The following LYSMD3 variants were observed in gnomAD, a reference collection of about 807,000 sequenced individuals.
LYSMD3 encodes LysM domain containing 3.
A neutral mutation model predicts 26.1 loss-of-function variants in LYSMD3; 13 were observed. That is an observed-to-expected ratio of 0.50 (90% CI 0.32 to 0.79). The LOEUF is 0.79. Ranked by LOEUF, LYSMD3 falls within the 30% of genes least tolerant of loss-of-function variation. The probability of loss-of-function intolerance (pLI) is 0.03; values close to 1 mark genes in which losing one functional copy is unlikely to be tolerated. For synonymous variants in LYSMD3, 109 were observed against 119.4 expected, an observed-to-expected ratio of 0.91 and a Z score of 0.57; for missense variants, 331 against 362.5, an observed-to-expected ratio of 0.91 and a Z score of 0.71.
chr5:90,525,036 G>T lies in LYSMD3; in HGVS notation c.254C>A (p.Thr85Lys), dbSNP rs763199395. 1.3e-6 allele frequency: 2 copies of T among 1,585,802 alleles called. No homozygotes were observed. Among genetic ancestry groups the T allele is most frequent in the African/African-American group, 2.7e-5 (2 of 73,930 alleles). The change falls in exon 2 of 3, where the codon ACG (threonine) becomes AAG (lysine). Residue 85 changes from threonine (T) to lysine (K), a missense_variant and splice_region_variant. Thr to Lys is a moderately conservative substitution (Grantham distance 78, BLOSUM62 -1). This residue lies in a region of LYSMD3 where 262 missense variants were observed against 267.3 expected (regional missense o/e 0.98). Coordinates refer to ENST00000315948, the MANE Select transcript of LYSMD3 (RefSeq NM_198273.2). ...LNAIALQYCC[T>K]VADIKRVNNL... ...GCATTATGTAATATTAAAACTTACCGTACAACAGTACTGAAGGGCTATTGC... is the reference window on the plus strand; with the variant it reads ...GCATTATGTAATATTAAAACTTACCTTACAACAGTACTGAAGGGCTATTGC...
Position 90,518,744 on chromosome 5 carries a change from CTAT to C in LYSMD3, c.*72_*74del. ...ATCTCTCTAAATTCTGCCTTTGAAG[CTAT>C]TATTGGATATAACTGATTCACCACA... On this transcript the variant is annotated 3_prime_UTR_variant, in exon 3 of 3. Coordinates refer to ENST00000315948, the MANE Select transcript of LYSMD3 (RefSeq NM_198273.2). 1 of 1,355,226 alleles carries C rather than the reference CTAT, an allele frequency of 7.4e-7. No homozygotes were observed. Among genetic ancestry groups the C allele is most frequent in the Non-Finnish European group, 1.0e-6 (1 of 987,652 alleles). The allele number at this position is 1,355,226 out of a possible 1,614,324, so 84.0% of individuals were successfully genotyped here.
Position 90,518,750 on chromosome 5 carries a change from T to C in LYSMD3, c.*69A>G, listed in dbSNP as rs1232861643. On this transcript the variant is annotated 3_prime_UTR_variant, in exon 3 of 3. Transcript: ENST00000315948. ...CTAAATTCTGCCTTTGAAGCTATTA[T>C]TGGATATAACTGATTCACCACATTC... 7 of 1,386,360 alleles carry C rather than the reference T, an allele frequency of 5.0e-6. No individual in the cohort carries two copies. The highest frequency in any genetic ancestry group is 6.9e-6 in the Non-Finnish European group (7 of 1,013,466). 85.9% of individuals were successfully genotyped at this position (1,386,360 alleles called of 1,614,324 possible). A position where few individuals can be genotyped will look rare whatever the true frequency, so the allele number is the denominator to read the frequency against.
chr5:90,525,219 A>G lies in LYSMD3; in HGVS notation c.71T>C (p.Phe24Ser). ...GVQSSGQVHA[F>S]GNCSDSDILE... ...AATATCACTGTCTGAACAATTTCCA[A>G]ATGCATGTACTTGACCACTTGACTG... is the stretch of plus-strand genomic sequence containing the variant. The change falls in exon 2 of 3, where the codon TTT becomes TCT. Residue 24 changes from phenylalanine to serine, a missense_variant. Phe to Ser is a radical substitution (Grantham distance 155). Coordinates refer to ENST00000315948, the MANE Select transcript of LYSMD3 (RefSeq NM_198273.2). 5 of 1,614,016 alleles carry G rather than the reference A, an allele frequency of 3.1e-6. No homozygotes were observed. Among genetic ancestry groups the G allele is most frequent in the Non-Finnish European group, 3.4e-6 (4 of 1,179,980 alleles).
chr5:90,529,496 C>T lies in LYSMD3; in HGVS notation c.-60G>A. On this transcript the variant is annotated 5_prime_UTR_variant, in exon 1 of 3. Transcript: ENST00000315948. ...TCTGCGAGAAGATGGCCAAAAGGTC[C>T]GCCGCCGCCGCTGTCCCGGGTAAGT... 1 of 456,622 alleles carries T rather than the reference C, an allele frequency of 2.2e-6. No individual in the cohort carries two copies. 28.3% of individuals were successfully genotyped at this position (456,622 alleles called of 1,614,324 possible).
Position 90,519,045 on chromosome 5 carries a change from GTTA to G in LYSMD3, c.692_694del (p.Ile231del), listed in dbSNP as rs541339902. ...ATAATACAACAAATAAAACACTGGT[GTTA>G]TTATACCTACTATCAACATTATCAC... is the stretch of plus-strand genomic sequence containing the variant. On this transcript the variant is annotated inframe_deletion, in exon 3 of 3. Transcript: ENST00000315948. 8.5e-5 allele frequency: 137 copies of G among 1,613,884 alleles called. No individual in the cohort carries two copies. The highest frequency in any genetic ancestry group is 1.1e-4 in the Non-Finnish European group (133 of 1,179,942).
Position 90,525,304 on chromosome 5 carries a change from G to C in LYSMD3, c.-11-4C>G. On this transcript the variant is annotated splice_polypyrimidine_tract_variant and splice_region_variant and intron_variant, in intron 1 of 2. Coordinates refer to ENST00000315948, the MANE Select transcript of LYSMD3 (RefSeq NM_198273.2). ...CTCCCTGCCATAATGTTAAAATCTG[G>C]AGGAAAAAAAAAGCAGAGAAAATTT... 6.4e-7 allele frequency: 1 copy of C among 1,565,508 alleles called. No homozygotes were observed. Among genetic ancestry groups the C allele is most frequent in the Non-Finnish European group, 8.6e-7 (1 of 1,160,170 alleles).
At chr5:90,520,604 T>C (rs768805780) in intron 2 of LYSMD3, 1 of 419,648 alleles carries the variant, frequency 2.4e-6, no homozygotes, top group Non-Finnish European at 4.8e-6. Flanking sequence ...GAGACACAGA[T>C]TTATGGACTA....
chr5:90,519,603 A>T, intron 2 of LYSMD3, 119 bp from the exon 3 acceptor site: 2 of 939,194 alleles, frequency 2.1e-6, no homozygotes, highest in Non-Finnish European at 3.1e-6. Flanking sequence ...AGTAGTATTA[A>T]GTTGCACCCA....
chr5:90,520,908 G>C (rs1172539108), intron 2 of LYSMD3, among the ~76,000 whole-genome samples: 2 of 150,550 alleles, frequency 1.3e-5, no homozygotes, highest in African/African-American at 2.4e-5. Context: ...AACAGAGCGA[G>C]ACTCCATCTC....
chr5:90,522,356 C>G (rs1010829349), intron 2 of LYSMD3, among the ~76,000 whole-genome samples: 1 of 152,142 alleles, frequency 6.6e-6, no homozygotes, highest in Non-Finnish European at 1.5e-5. Context: ...TATAAACTAC[C>G]CAGTCTCAGG....
At chr5:90,524,389 G>C (rs1753165574) in intron 2 of LYSMD3, among the ~76,000 whole-genome samples, 1 of 152,154 alleles carries the variant, frequency 6.6e-6, no homozygotes, top group Non-Finnish European at 1.5e-5. Flanking sequence ...ACATGCCAAA[G>C]TGTTAATGCT....
At position 90,517,402 on chromosome 5, in the gene LYSMD3, A is replaced by G. The variant is rs1752976309; in HGVS notation, c.*1417T>C. On this transcript the variant is annotated 3_prime_UTR_variant, in exon 3 of 3. Transcript: ENST00000315948. ...TGAGGTGGTATTATATATCTTAAGT[A>G]TATATTATATACAAAACAGGCAATC... 6.6e-6 allele frequency: 1 copy of G among 152,100 alleles called. No individual in the cohort carries two copies. The highest frequency in any genetic ancestry group is 1.9e-4 in the East Asian group (1 of 5,202). The allele number at this position is 152,100 out of a possible 1,614,324, so 9.4% of individuals were successfully genotyped here. A position where few individuals can be genotyped will look rare whatever the true frequency, so the allele number is the denominator to read the frequency against.
intron 2 of LYSMD3, among the ~76,000 whole-genome samples, chr5:90,521,615 CCA>C (rs1180590227): frequency 1.3e-5 from 2 of 151,890 alleles, no homozygotes; most frequent in Non-Finnish European, 2.9e-5. Flanking sequence ...CTGAAAAATC[CCA>C]GTCTGACCCC....
At chr5:90,525,342 G>A in intron 1 of LYSMD3, 42 bp from the exon 2 acceptor site, 1 of 1,530,866 alleles carries the variant, frequency 6.5e-7, no homozygotes, top group African/African-American at 1.4e-5. Context: ...GAATGTAGCT[G>A]ATCCAACTGA....
chr5:90,525,347 A>C lies in LYSMD3; in HGVS notation c.-11-47T>G, dbSNP rs10044543. The stretch of plus-strand genomic sequence containing the variant: ...GAAAATTTTGGAATGTAGCTGATCC[A>C]ACTGACTGATTTGCATGCATCGTAC... On this transcript the variant is annotated intron_variant, in intron 1 of 2. Transcript: ENST00000315948. The C allele has an allele frequency of 2.9e-3, 4,348 of 1,519,922 alleles. 112 individuals are homozygous for C. The African/African-American group carries it at 0.053, about 18-fold the overall frequency. The allele number at this position is 1,519,922 out of a possible 1,614,324, so 94.2% of individuals were successfully genotyped here.
chr5:90,524,467 G>C (rs563611883), intron 2 of LYSMD3, among the ~76,000 whole-genome samples: 62 of 152,278 alleles, frequency 4.1e-4, no homozygotes, highest in African/African-American at 1.4e-3. Flanking sequence ...CTTACCATTT[G>C]AATAAGAAGA....
chr5:90,529,570 G>A lies in LYSMD3; in HGVS notation c.-134C>T. ...GCTGACCCCGTCCGCCTCCGCCTCT[G>A]CCGCCAACGTCTCCGCCTTCCGGGC... On this transcript the variant is annotated 5_prime_UTR_variant, in exon 1 of 3. Coordinates refer to ENST00000315948, the MANE Select transcript of LYSMD3 (RefSeq NM_198273.2). The A allele has an allele frequency of 2.2e-6, 1 of 456,192 alleles. No individual in the cohort carries two copies. The highest frequency in any genetic ancestry group is 1.5e-5 in the South Asian group (1 of 64,550). The allele number at this position is 456,192 out of a possible 1,614,324, so 28.3% of individuals were successfully genotyped here.
In LYSMD3 at chr5:90,517,956, T is replaced by C. The variant is rs1389959219; in HGVS notation, c.*863A>G. ...AGGCATTAAATGTAATTAAGGCATG[T>C]TACTGTATGTAACAGCAATGATTTA... On this transcript the variant is annotated 3_prime_UTR_variant, in exon 3 of 3. Coordinates refer to ENST00000315948, the MANE Select transcript of LYSMD3 (RefSeq NM_198273.2). 2 of 152,570 alleles carry C rather than the reference T, an allele frequency of 1.3e-5. No individual in the cohort carries two copies. The highest frequency in any genetic ancestry group is 1.3e-4 in the Admixed American group (2 of 15,272). 9.5% of individuals were successfully genotyped at this position (152,570 alleles called of 1,614,324 possible).
rs370409381 is a variant in LYSMD3, at chr5:90,525,443, TTTTTG to T, written c.-11-148_-11-144del. On this transcript the variant is annotated intron_variant, in intron 1 of 2. Coordinates refer to ENST00000315948, the MANE Select transcript of LYSMD3 (RefSeq NM_198273.2). ...TTAAACATTTAGGTTTAAGTTCGTT[TTTTTG>T]TTTTGTTTTGTTTTGTTTTGAGATG... 2,848 of 899,304 alleles carry T rather than the reference TTTTTG, an allele frequency of 3.2e-3. 54 individuals are homozygous for T. In the African/African-American group the frequency reaches 0.043, roughly 13 times the overall value. The allele number at this position is 899,304 out of a possible 1,614,324, so 55.7% of individuals were successfully genotyped here.
Sources: gnomAD v4.1 joint callset for allele counts (sites outside exome capture counted in the v4.1 genomes callset) on GRCh38, gnomAD v4.1.1 for gene constraint, gnomAD v4.1.1 regional missense constraint, MANE v1.5 for transcripts, NCBI Gene and HGNC (gene_info 2026-07-23, HGNC 2026-07-21) for gene names.